Variants in IL22RA2 observed in about 807,000 individuals in gnomAD.
IL22RA2 encodes the protein interleukin 22 receptor subunit alpha 2, also known as interleukin-22 receptor subunit alpha-2.
A neutral mutation model predicts 30.7 loss-of-function variants in IL22RA2; 39 were observed. The observed-to-expected ratio is 1.27, with a 90% CI of 0.98 to 1.66. The LOEUF (loss-of-function observed/expected upper bound fraction) is 1.66, where lower values mean the gene tolerates loss of function less well. IL22RA2 is among the 40% of genes most tolerant of loss of function. The pLI, the probability that IL22RA2 is intolerant of heterozygous loss-of-function variation, is 0.00. For synonymous variants in IL22RA2, 103 were observed against 105.0 expected (o/e 0.98, Z 0.11); for missense variants, 315 against 312.7 (o/e 1.01, Z -0.05).
In IL22RA2 at chr6:137,147,810, T is replaced by C. The variant is rs752069203; in HGVS notation, c.554A>G (p.Tyr185Cys). The C allele has an allele frequency of 3.1e-6, 5 of 1,613,430 alleles. No homozygotes were observed. The Admixed American group carries it at 5.0e-5, about 16-fold the overall frequency. ...LVILHAPNLP[Y>C]RYQKEKNVSI... is the part of the protein sequence containing the mutation. Reference sequence around the variant, plus strand: ...TACATTTTTTTCCTTTTGGTATCTATATGGTAAATTTGGAGCATGGAGAAT... The same window carrying C: ...TACATTTTTTTCCTTTTGGTATCTACATGGTAAATTTGGAGCATGGAGAAT... Residue 185 changes from tyrosine to cysteine, a missense_variant, in exon 6 of 7, where the codon TAT becomes TGT. Transcript: ENST00000296980.
intron 1 of IL22RA2, among the ~76,000 whole-genome samples, chr6:137,163,972 G>A (rs1038279398): frequency 3.9e-5 from 6 of 152,168 alleles, no homozygotes; most frequent in African/African-American, 1.4e-4. Context: ...CTCCACAGCT[G>A]CAGCTAGCTG....
rs1778622248 is a variant in IL22RA2 at position 137,166,205 on chromosome 6, C to G, written c.-65-4391G>C. 2.0e-5 allele frequency among the ~76,000 whole-genome samples: 3 copies of G among 152,226 alleles called. No individual in the cohort carries two copies. In the South Asian group the frequency reaches 6.2e-4, roughly 32 times the overall value. On this transcript the variant is annotated intron_variant, in intron 1 of 6. Transcript: ENST00000296980. ...GCAGTGGTAACACTGAATTCAGCAGCTGAAACCTGCCCTCTGCCGGCCGGA... is the reference window on the plus strand; with the variant it reads ...GCAGTGGTAACACTGAATTCAGCAGGTGAAACCTGCCCTCTGCCGGCCGGA...
chr6:137,161,828 A>G lies in IL22RA2; in HGVS notation c.-65-14T>C, dbSNP rs967565076. ...CCAAAGAGGAAACTGTAAAATCCAC[A>G]AACAGACAATCACTCCCGGGTTTAA... On this transcript the variant is annotated splice_polypyrimidine_tract_variant and intron_variant, in intron 1 of 6. Transcript: ENST00000296980. 8.9e-7 allele frequency: 1 copy of G among 1,126,032 alleles called. No homozygotes were observed. Among genetic ancestry groups the G allele is most frequent in the Non-Finnish European group, 1.3e-6 (1 of 753,928 alleles). 69.8% of individuals were successfully genotyped at this position (1,126,032 alleles called of 1,614,324 possible). A position where few individuals can be genotyped will look rare whatever the true frequency, so the allele number is the denominator to read the frequency against.
chr6:137,157,076 C>A (rs1264665790), intron 3 of IL22RA2, among the ~76,000 whole-genome samples: 1 of 152,146 alleles, frequency 6.6e-6, no homozygotes, highest in Non-Finnish European at 1.5e-5. Context: ...CCAACACCAC[C>A]ACACTAAGGA....
intron 1 of IL22RA2, among the ~76,000 whole-genome samples, chr6:137,170,657 G>C (rs936792615): frequency 3.9e-5 from 6 of 152,074 alleles, no homozygotes; most frequent in Non-Finnish European, 7.4e-5. Context: ...TAGCTGAGCC[G>C]GTGATCACCT....
chr6:137,161,983 G>A (rs192242892), intron 1 of IL22RA2, among the ~76,000 whole-genome samples, 169 bp from the exon 2 acceptor site: 49 of 152,240 alleles, frequency 3.2e-4, no homozygotes, highest in Middle Eastern at 3.4e-3. Context: ...GTGGAAGCTC[G>A]TTTTATTGGG....
intron 1 of IL22RA2, among the ~76,000 whole-genome samples, chr6:137,163,401 G>C (rs1562273250): frequency 1.3e-5 from 2 of 152,174 alleles, no homozygotes; most frequent in Non-Finnish European, 2.9e-5. Flanking sequence ...GGAGATGGCA[G>C]ATTTTCGTCT....
rs777271416 is a variant in IL22RA2 at position 137,156,774 on chromosome 6, C to T, written c.278G>A (p.Cys93Tyr). The change falls in exon 4 of 7, where the codon TGC (cysteine) becomes TAC (tyrosine). Residue 93 changes from cysteine to tyrosine, a missense_variant. Physicochemically the swap from Cys to Tyr is radical, Grantham distance 194. Coordinates refer to ENST00000296980, the MANE Select transcript of IL22RA2 (RefSeq NM_052962.3). ...AGAGGTGTACTTAGCCAATGTTCTG[C>T]AGCCTGGGAAGTTACAAGAAATGTG... ...WQHISCNFPG[C>Y]RTLAKYGQRQ... 3 of 1,613,638 alleles carry T rather than the reference C, an allele frequency of 1.9e-6. No homozygotes were observed. Among genetic ancestry groups the T allele is most frequent in the South Asian group, 2.2e-5 (2 of 91,080 alleles).
chr6:137,162,172 A>C (rs1370998739), intron 1 of IL22RA2, among the ~76,000 whole-genome samples: 1 of 152,198 alleles, frequency 6.6e-6, no homozygotes, highest in Non-Finnish European at 1.5e-5. Flanking sequence ...GCCAAGGACT[A>C]GGACTTGGCT....
intron 1 of IL22RA2, among the ~76,000 whole-genome samples, chr6:137,162,869 A>G (rs1393756469): frequency 6.6e-6 from 1 of 152,192 alleles, no homozygotes; most frequent in East Asian, 1.9e-4. Flanking sequence ...TCATGCCATT[A>G]CCCTGTAGAC....
intron 5 of IL22RA2, among the ~76,000 whole-genome samples, chr6:137,153,692 T>G (rs1362142052): frequency 1.3e-5 from 2 of 152,188 alleles, no homozygotes; most frequent in Non-Finnish European, 2.9e-5. Context: ...TCATTCTGAT[T>G]TTCAAGGCAT....
chr6:137,151,377 G>A (rs554753379), intron 5 of IL22RA2, among the ~76,000 whole-genome samples: 2 of 152,268 alleles, frequency 1.3e-5, no homozygotes, highest in African/African-American at 4.8e-5. Flanking sequence ...AATAATATTG[G>A]ACCCTTACCT....
At chr6:137,160,294 C>T (rs550402090) in intron 2 of IL22RA2, among the ~76,000 whole-genome samples, 1 of 152,214 alleles carries the variant, frequency 6.6e-6, no homozygotes, top group African/African-American at 2.4e-5. Flanking sequence ...CTGCACCAGG[C>T]ACTGAGGGAC....
At chr6:137,164,886 A>C (rs758218817) in intron 1 of IL22RA2, among the ~76,000 whole-genome samples, 6 of 152,218 alleles carry the variant, frequency 3.9e-5, no homozygotes, top group Admixed American at 6.5e-5. Flanking sequence ...TCCCTCCTAT[A>C]GAGAGAAGCC....
chr6:137,147,605 A>G, intron 6 of IL22RA2, 117 bp downstream of exon 6: 1 of 836,444 alleles, frequency 1.2e-6, no homozygotes, highest in East Asian at 3.0e-5. Context: ...AAGAAATTAA[A>G]GATAAGGAAA....
At chr6:137,165,089 C>T (rs913938834) in intron 1 of IL22RA2, among the ~76,000 whole-genome samples, 1 of 152,194 alleles carries the variant, frequency 6.6e-6, no homozygotes, top group Non-Finnish European at 1.5e-5. Context: ...AACAAGCACT[C>T]CTGATAGAGG....
chr6:137,165,788 A>G (rs1778615002), intron 1 of IL22RA2, among the ~76,000 whole-genome samples: 1 of 152,206 alleles, frequency 6.6e-6, no homozygotes, highest in South Asian at 2.1e-4. Context: ...GTCAAAGAAA[A>G]GCCATGATAA....
At chr6:137,164,859 A>T (rs1200732430) in intron 1 of IL22RA2, among the ~76,000 whole-genome samples, 1 of 152,178 alleles carries the variant, frequency 6.6e-6, no homozygotes, top group Non-Finnish European at 1.5e-5. Context: ...TGATCTCTTA[A>T]ATTGGAGACA....
At chr6:137,159,371 A>T (rs1313416520) in intron 2 of IL22RA2, among the ~76,000 whole-genome samples, 1 of 151,766 alleles carries the variant, frequency 6.6e-6, no homozygotes, top group Non-Finnish European at 1.5e-5. Flanking sequence ...CCCTGGCTGG[A>T]GTGCAGTGGC....
Sources: allele counts gnomAD v4.1 joint callset (sites outside exome capture counted in the v4.1 genomes callset), GRCh38; gene constraint gnomAD v4.1.1; transcripts MANE v1.5; gene names NCBI Gene and HGNC (gene_info 2026-07-23, HGNC 2026-07-21).